Variants in SLC35F4 observed in about 807,000 individuals in gnomAD.
SLC35F4 encodes solute carrier family 35 member F4.
In SLC35F4, 24 loss-of-function variants were observed where a neutral mutation model predicts 44.2. That is an observed-to-expected ratio of 0.54 (90% CI 0.39 to 0.76). The LOEUF (loss-of-function observed/expected upper bound fraction) is 0.76, where lower values mean the gene tolerates loss of function less well. Ranked by LOEUF, SLC35F4 falls within the 30% of genes least tolerant of loss-of-function variation. The pLI, the probability that SLC35F4 is intolerant of heterozygous loss-of-function variation, is 0.00. For missense variants in SLC35F4, 562 were observed against 586.1 expected, an observed-to-expected ratio of 0.96 and a Z score of 0.42; for synonymous variants, 238 against 223.6, an observed-to-expected ratio of 1.06 and a Z score of -0.57.
rs377287656 is a variant in SLC35F4, at chr14:57,748,109, A to G, written c.103+117614T>C. On this transcript the variant is annotated intron_variant, in intron 1 of 7. Transcript: ENST00000556826. Reference sequence around the variant, plus strand: ...GTAGAACTCTATACATGACCAAGAAAACATCATAGAAATCTAATGAAGCCA... The same window carrying G: ...GTAGAACTCTATACATGACCAAGAAGACATCATAGAAATCTAATGAAGCCA... Among the ~76,000 whole-genome samples the G allele has an allele frequency of 9.0e-4, 137 of 152,302 alleles. 4 individuals carry two copies. In the South Asian group the frequency reaches 0.028, roughly 31 times the overall value.
intron 3 of SLC35F4, among the ~76,000 whole-genome samples, chr14:57,583,684 TTTCTTTCCCC>T (rs753214020): frequency 2.2e-4 from 33 of 152,332 alleles, no homozygotes; most frequent in African/African-American, 6.5e-4. Context: ...GTTCTTCCCC[TTTCTTTCCCC>T]TTCTCTCACT....
At chr14:57,739,962 C>T (rs539697356) in intron 1 of SLC35F4, among the ~76,000 whole-genome samples, 153 of 152,238 alleles carry the variant, frequency 1.0e-3, no homozygotes, top group African/African-American at 3.4e-3. Context: ...GGGGTTCAAG[C>T]AATTCTCCTG....
intron 1 of SLC35F4, among the ~76,000 whole-genome samples, chr14:57,687,023 GA>G (rs1362025117): frequency 6.6e-6 from 1 of 152,140 alleles, no homozygotes; most frequent in Non-Finnish European, 1.5e-5. Flanking sequence ...AAGAAAAAGA[GA>G]TTAGGACAGA....
At chr14:57,637,240 G>A (rs2073050128) in intron 1 of SLC35F4, among the ~76,000 whole-genome samples, 1 of 151,918 alleles carries the variant, frequency 6.6e-6, no homozygotes. Context: ...GTAGAAAAAA[G>A]TGTCTCTTTT....
At chr14:57,959,938 G>A (rs1246251304) in intron 1 of SLC35F4, among the ~76,000 whole-genome samples, 1 of 152,110 alleles carries the variant, frequency 6.6e-6, no homozygotes, top group African/African-American at 2.4e-5. Context: ...CTCCACCTTG[G>A]AAGAGGGCAC....
At chr14:57,608,803 G>A in intron 1 of SLC35F4, among the ~76,000 whole-genome samples, 1 of 141,360 alleles carries the variant, frequency 7.1e-6, no homozygotes, top group African/African-American at 2.8e-5. Flanking sequence ...GGGGCGGCGG[G>A]GGGAGAGAAA....
intron 5 of SLC35F4, among the ~76,000 whole-genome samples, chr14:57,570,780 C>G (rs2068460068): frequency 6.6e-6 from 1 of 152,170 alleles, no homozygotes; most frequent in East Asian, 1.9e-4. Context: ...GGAAATCCCT[C>G]TGTAAGAGTG....
At chr14:57,638,696 A>G (rs1415363124) in intron 1 of SLC35F4, among the ~76,000 whole-genome samples, 2 of 152,086 alleles carry the variant, frequency 1.3e-5, no homozygotes, top group Admixed American at 1.3e-4. Flanking sequence ...AGCCCTTCTG[A>G]TACAAGGAAG....
chr14:57,584,565 C>T (rs1382856654), intron 3 of SLC35F4, among the ~76,000 whole-genome samples: 1 of 152,130 alleles, frequency 6.6e-6, no homozygotes, highest in Non-Finnish European at 1.5e-5. Context: ...ACATTCCCTT[C>T]AGAGATAGTA....
At chr14:57,943,733 A>C (rs2141074481) in intron 1 of SLC35F4, among the ~76,000 whole-genome samples, 1 of 152,348 alleles carries the variant, frequency 6.6e-6, no homozygotes, top group Middle Eastern at 3.4e-3. Flanking sequence ...TATTCGATTC[A>C]GTTAACCGCC....
downstream of SLC35F4, among the ~76,000 whole-genome samples, chr14:57,975,641 A>G (rs1881193543): frequency 6.6e-6 from 1 of 152,216 alleles, no homozygotes; most frequent in South Asian, 2.1e-4. Flanking sequence ...GTGAGACCTG[A>G]AAACCCACCA....
At chr14:57,675,060 A>G (rs2074645463) in intron 1 of SLC35F4, among the ~76,000 whole-genome samples, 1 of 152,092 alleles carries the variant, frequency 6.6e-6, no homozygotes, top group Non-Finnish European at 1.5e-5. Flanking sequence ...AATTCCACTT[A>G]CATAAAATTC....
chr14:57,617,905 T>C (rs1305433405), intron 1 of SLC35F4, among the ~76,000 whole-genome samples: 4 of 72,014 alleles, frequency 5.6e-5, no homozygotes, highest in African/African-American at 7.8e-5. Context: ...GCTTCTGTCA[T>C]TCAAAGAAAA....
At chr14:57,789,678 G>T (rs960985053) in intron 1 of SLC35F4, among the ~76,000 whole-genome samples, 1 of 152,110 alleles carries the variant, frequency 6.6e-6, no homozygotes, top group Non-Finnish European at 1.5e-5. Flanking sequence ...TCAAAACCTG[G>T]CAGAGACACA....
intron 1 of SLC35F4, among the ~76,000 whole-genome samples, chr14:57,711,904 G>A (rs1030411051): frequency 6.6e-6 from 1 of 152,160 alleles, no homozygotes. Context: ...TTTAGAAACT[G>A]GTTCACTTAT....
intron 1 of SLC35F4, among the ~76,000 whole-genome samples, chr14:57,637,720 AT>A (rs2073067547): frequency 6.6e-6 from 1 of 152,134 alleles, no homozygotes; most frequent in South Asian, 2.1e-4. Context: ...TACAAACATT[AT>A]TACAAACAAT....
At chr14:57,652,512 A>AAC (rs2073820223) in intron 1 of SLC35F4, among the ~76,000 whole-genome samples, 1 of 152,298 alleles carries the variant, frequency 6.6e-6, no homozygotes, top group East Asian at 1.9e-4. Context: ...ACAAGGAGAC[A>AAC]CTGAGTCATG....
intron 1 of SLC35F4, among the ~76,000 whole-genome samples, chr14:57,969,928 C>T (rs1027749386): frequency 6.6e-6 from 1 of 152,138 alleles, no homozygotes; most frequent in Non-Finnish European, 1.5e-5. Flanking sequence ...GGAGCCCCCA[C>T]AAAAGTCTCA....
chr14:57,623,586 T>C (rs1463358773), intron 1 of SLC35F4, among the ~76,000 whole-genome samples: 1 of 151,804 alleles, frequency 6.6e-6, no homozygotes, highest in Non-Finnish European at 1.5e-5. Flanking sequence ...TGCAAAAGAA[T>C]GGAAATCATA....
Sources: allele counts gnomAD v4.1 joint callset (sites outside exome capture counted in the v4.1 genomes callset), GRCh38; gene constraint gnomAD v4.1.1; transcripts MANE v1.5; gene names NCBI Gene and HGNC (gene_info 2026-07-23, HGNC 2026-07-21).